SH3BP2: variants seen among roughly 807,000 people sequenced by gnomAD.
The protein encoded by SH3BP2 is SH3 domain-binding protein 2.
Under a neutral mutation model 56.2 loss-of-function variants are expected in SH3BP2, and 38 were observed. That is an observed-to-expected ratio of 0.68 (90% CI 0.52 to 0.89). The LOEUF (loss-of-function observed/expected upper bound fraction) is 0.89, where lower values mean the gene tolerates loss of function less well. Among genes scored for constraint, SH3BP2 ranks in the 40% least tolerant of loss-of-function variants. SH3BP2 has a pLI of 0.00. For missense variants in SH3BP2, 748 were observed against 762.6 expected, an observed-to-expected ratio of 0.98 and a Z score of 0.23; for synonymous variants, 346 against 316.7, an observed-to-expected ratio of 1.09 and a Z score of -0.98.
intron 1 of SH3BP2, among the ~76,000 whole-genome samples, chr4:2,798,067 T>A (rs1190347126): frequency 6.6e-6 from 1 of 152,084 alleles, no homozygotes; most frequent in Non-Finnish European, 1.5e-5. Flanking sequence ...CCCTTCCCCC[T>A]GCGGGCTGCG....
At chr4:2,802,482 A>C (rs1333005652) in intron 1 of SH3BP2, among the ~76,000 whole-genome samples, 7 of 150,300 alleles carry the variant, frequency 4.7e-5, no homozygotes, top group African/African-American at 1.7e-4. Context: ...ATGTGTATAT[A>C]TATGTGTATA....
intron 10 of SH3BP2, 170 bp downstream of exon 10, chr4:2,832,148 C>T (rs1577371189): frequency 2.1e-6 from 2 of 964,038 alleles, no homozygotes; most frequent in Non-Finnish European, 1.6e-6. Flanking sequence ...GCCCAGCTGG[C>T]ACCCTGGCTG....
intron 1 of SH3BP2, among the ~76,000 whole-genome samples, 185 bp downstream of exon 1, chr4:2,793,323 G>A (rs1722959467): frequency 6.9e-6 from 1 of 145,618 alleles, no homozygotes; most frequent in Non-Finnish European, 1.5e-5. Flanking sequence ...GAGTCTCCGG[G>A]GAGTCTCAGG....
chr4:2,831,456 C>G lies in SH3BP2; in HGVS notation c.1242-115C>G. On this transcript the variant is annotated intron_variant, in intron 8 of 12. Coordinates refer to ENST00000503393, the MANE Select transcript of SH3BP2 (RefSeq NM_001122681.2). This position sits in a 1 kb window ranked among gnomAD's most constrained non-coding sequence, Gnocchi z 4.1. Reference sequence around the variant, plus strand: ...CTGAGCTTTTTAGGGTCACAGGGGCCATAGCAGGCAGCTTGCCGTCCTCAC... The same window carrying G: ...CTGAGCTTTTTAGGGTCACAGGGGCGATAGCAGGCAGCTTGCCGTCCTCAC... The G allele has an allele frequency of 1.3e-6, 1 of 783,078 alleles. No homozygotes were observed. Among genetic ancestry groups the G allele is most frequent in the Non-Finnish European group, 2.2e-6 (1 of 448,354 alleles). The allele number at this position is 783,078 out of a possible 1,614,324, so 48.5% of individuals were successfully genotyped here.
chr4:2,833,133 C>A, intron 12 of SH3BP2, 84 bp downstream of exon 12: 1 of 1,273,786 alleles, frequency 7.9e-7, no homozygotes, highest in Non-Finnish European at 1.1e-6. Flanking sequence ...GAGGCATAGG[C>A]AGCGGGTAGA....
At chr4:2,799,487 G>C (rs546256644) in intron 1 of SH3BP2, among the ~76,000 whole-genome samples, 365 of 152,274 alleles carry the variant, frequency 2.4e-3, no homozygotes, top group Middle Eastern at 0.01. Flanking sequence ...TTTTGTGGTC[G>C]GGGTGGCTGT....
chr4:2,806,490 G>A (rs1723539526), intron 1 of SH3BP2, among the ~76,000 whole-genome samples: 1 of 152,216 alleles, frequency 6.6e-6, no homozygotes, highest in Non-Finnish European at 1.5e-5. Flanking sequence ...TGAATCCTGA[G>A]CCGCCTCTGC....
chr4:2,812,360 G>A (rs1321067046), intron 1 of SH3BP2: 1 of 1,550,268 alleles, frequency 6.5e-7, no homozygotes, highest in Non-Finnish European at 8.7e-7. Flanking sequence ...ACATGTCTGG[G>A]AGATGTAGGC....
At chr4:2,799,003 G>GC in intron 1 of SH3BP2, 1 of 985,630 alleles carries the variant, frequency 1.0e-6, no homozygotes, top group Non-Finnish European at 1.2e-6. Context: ...GCAGCACGGG[G>GC]CCTGGGAAAC....
chr4:2,812,227 C>A, intron 1 of SH3BP2: 1 of 1,502,658 alleles, frequency 6.7e-7, no homozygotes. Context: ...CTACTTGGTG[C>A]TGCCCAGGGA....
In SH3BP2 at chr4:2,834,636, C is replaced by A. The variant is rs1015646334; in HGVS notation, c.*802C>A. 5.9e-5 allele frequency: 9 copies of A among 152,314 alleles called. No individual in the cohort carries two copies. The allele number at this position is 152,314 out of a possible 1,614,324, so 9.4% of individuals were successfully genotyped here. On this transcript the variant is annotated 3_prime_UTR_variant, in exon 13 of 13. Coordinates refer to ENST00000503393, the MANE Select transcript of SH3BP2 (RefSeq NM_001122681.2). ...TGGGTACCTCCTGAGTGGCTGTCCC[C>A]GTTCCAGAACTTGCATACACTGAGC... is the stretch of plus-strand genomic sequence containing the variant.
chr4:2,796,515 C>A (rs1054514407), intron 1 of SH3BP2: 11 of 951,696 alleles, frequency 1.2e-5, no homozygotes, highest in African/African-American at 1.8e-5. Context: ...ACATCTGGTC[C>A]ATCTTTGTCA....
Position 2,830,004 on chromosome 4 carries a change from C to A in SH3BP2, c.1098C>A (p.Asp366Glu). Residue 366 changes from aspartate (D) to glutamate (E), a missense_variant, in exon 8 of 13, where the codon GAC (aspartate) becomes GAA (glutamate). Asp to Glu is a conservative substitution (Grantham distance 45). This residue lies in a region of SH3BP2 where 635 missense variants were observed against 615.0 expected (regional missense o/e 1.03). Coordinates refer to ENST00000503393, the MANE Select transcript of SH3BP2 (RefSeq NM_001122681.2). Reference sequence around the variant, plus strand: ...AGTTCCTGAAGATAGCTGAAGAGGACCCCCCAAGGGAGGCAGCCATGCCCG... The same window carrying A: ...AGTTCCTGAAGATAGCTGAAGAGGAACCCCCAAGGGAGGCAGCCATGCCCG... Reference protein sequence around the residue: ...KPKFLKIAEEDPPREAAMPGL... With the variant: ...KPKFLKIAEEEPPREAAMPGL... 1 of 1,613,046 alleles carries A rather than the reference C, an allele frequency of 6.2e-7. No individual in the cohort carries two copies. The highest frequency in any genetic ancestry group is 8.5e-7 in the Non-Finnish European group (1 of 1,179,946).
Position 2,810,618 on chromosome 4 carries a change from C to T in SH3BP2, c.-4-9996C>T, listed in dbSNP as rs572906618. Among the ~76,000 whole-genome samples the T allele has an allele frequency of 6.6e-6, 1 of 152,076 alleles. No individual in the cohort carries two copies. The highest frequency in any genetic ancestry group is 2.1e-4 in the South Asian group (1 of 4,820). ...CCACCTCATTGCCTGTGGATTCCTC[C>T]CAACCCTGGGGTGTGCTCACCCCAA... On this transcript the variant is annotated intron_variant, in intron 1 of 12. Coordinates refer to ENST00000503393, the MANE Select transcript of SH3BP2 (RefSeq NM_001122681.2). The surrounding 1 kb of genome is among the most constrained non-coding windows in gnomAD (Gnocchi z 4.2).
At chr4:2,804,531 C>T (rs1274944318) in intron 1 of SH3BP2, among the ~76,000 whole-genome samples, 1 of 152,186 alleles carries the variant, frequency 6.6e-6, no homozygotes, top group Non-Finnish European at 1.5e-5. Flanking sequence ...CCCCTGCTTC[C>T]CCAGGCCTTC....
intron 5 of SH3BP2, chr4:2,826,881 C>T: frequency 4.0e-6 from 2 of 499,914 alleles, no homozygotes; most frequent in South Asian, 1.6e-5. Context: ...GTCTACATGT[C>T]TGCGCGTGTC....
rs139934973 is a variant in SH3BP2 at position 2,829,549 on chromosome 4, C to A, written c.643C>A (p.Pro215Thr). Residue 215 changes from proline (P) to threonine (T), a missense_variant, in exon 8 of 13, where the codon CCA becomes ACA. Physicochemically the swap from Pro to Thr is conservative, Grantham distance 38. This residue lies in a region of SH3BP2 where 635 missense variants were observed against 615.0 expected (regional missense o/e 1.03). Transcript: ENST00000503393. The surrounding 1 kb of genome is among the most constrained non-coding windows in gnomAD (Gnocchi z 4.9). The part of the protein sequence containing the change: ...PPPPVPTPRK[P>T]AFSDMPRAHS... ...ACCCCCAGTGCCCACGCCCAGGAAG[C>A]CAGCCTTCTCTGACATGCCCCGGGC... 171 of 1,613,570 alleles carry A rather than the reference C, an allele frequency of 1.1e-4. No homozygotes were observed. The African/African-American group carries it at 2.1e-3, about 20-fold the overall frequency.
chr4:2,832,561 C>T lies in SH3BP2; in HGVS notation c.1488+149C>T, dbSNP rs964388221. 7 of 726,824 alleles carry T rather than the reference C, an allele frequency of 9.6e-6. No individual in the cohort carries two copies. In the African/African-American group the frequency reaches 1.0e-4, roughly 11 times the overall value. The allele number at this position is 726,824 out of a possible 1,614,324, so 45.0% of individuals were successfully genotyped here. A position where few individuals can be genotyped will look rare whatever the true frequency, so the allele number is the denominator to read the frequency against. On this transcript the variant is annotated intron_variant, in intron 11 of 12. Transcript: ENST00000503393. ...CTGAATTCTCTTCCCAGCAGCACCC[C>T]CCAATCTATTCCCTAATAGATCTCC...
intron 1 of SH3BP2, among the ~76,000 whole-genome samples, chr4:2,795,597 C>G (rs899390267): frequency 6.6e-6 from 1 of 152,196 alleles, no homozygotes; most frequent in Non-Finnish European, 1.5e-5. Context: ...AAGGTGAGAG[C>G]TGTCCTACCC....
Sources: gnomAD v4.1 joint callset for allele counts (sites outside exome capture counted in the v4.1 genomes callset) on GRCh38, gnomAD v4.1.1 for gene constraint, gnomAD v4.1.1 regional missense constraint, Gnocchi (gnomAD v3.1) non-coding constraint, MANE v1.5 for transcripts, NCBI Gene and HGNC (gene_info 2026-07-23, HGNC 2026-07-21) for gene names.